Variants in PTMA observed in about 807,000 individuals in gnomAD.
PTMA encodes the protein prothymosin alpha.
A neutral mutation model predicts 16.9 loss-of-function variants in PTMA; 4 were observed. The ratio of observed to expected loss-of-function variants is 0.24; its 90% CI spans 0.12 to 0.54. The LOEUF (loss-of-function observed/expected upper bound fraction) is 0.54. PTMA is among the 20% of genes least tolerant of loss of function. The pLI, the probability that PTMA is intolerant of heterozygous loss-of-function variation, is 0.95. For synonymous variants in PTMA, 58 were observed against 47.9 expected (o/e 1.21, Z -0.87); for missense variants, 120 against 137.7 (o/e 0.87, Z 0.64).
chr2:231,711,345 A>G lies in PTMA; in HGVS notation c.46-3A>G, dbSNP rs767002024. 2 of 1,613,500 alleles carry G rather than the reference A, an allele frequency of 1.2e-6. No homozygotes were observed. Among genetic ancestry groups the G allele is most frequent in the African/African-American group, 1.3e-5 (1 of 74,918 alleles). On this transcript the variant is annotated splice_polypyrimidine_tract_variant and splice_region_variant and intron_variant, in intron 1 of 4. Coordinates refer to ENST00000409115, the MANE Select transcript of PTMA (RefSeq NM_002823.5). ...GTTACTGGTTCCTTCTTCCCTTTTG[A>G]AGGACTTAAAGGAGAAGAAGGAAGT...
At chr2:231,710,411 C>T (rs1211635371) in intron 1 of PTMA, 6 of 1,146,590 alleles carry the variant, frequency 5.2e-6, no homozygotes, top group South Asian at 4.4e-5. Context: ...CGCGCCGCGA[C>T]CTCCCTGCCC....
At chr2:231,711,829 G>A (rs1323134647) in intron 2 of PTMA, 61 bp from the exon 3 acceptor site, 3 of 1,593,232 alleles carry the variant, frequency 1.9e-6, no homozygotes, top group African/African-American at 1.4e-5. Flanking sequence ...GGCATCAGGA[G>A]CAACGCTCTG....
chr2:231,710,477 C>CCGCGGGGCGGAGCCGGGGTA, intron 1 of PTMA: 1 of 1,069,514 alleles, frequency 9.4e-7, no homozygotes, highest in Non-Finnish European at 1.2e-6. Flanking sequence ...GAGCCGGGGT[C>CCGCGGGGCGGAGCCGGGGTA]CGCGGAGCGG....
chr2:231,709,337 G>A (rs1429478250), intron 1 of PTMA, among the ~76,000 whole-genome samples: 1 of 152,108 alleles, frequency 6.6e-6, no homozygotes, highest in Non-Finnish European at 1.5e-5. Flanking sequence ...GGCCGTCCCG[G>A]CGGAGGTGTG....
At chr2:231,712,392 G>A (rs765665599) in intron 3 of PTMA, 51 bp from the exon 4 acceptor site, 3 of 1,564,732 alleles carry the variant, frequency 1.9e-6, no homozygotes, top group East Asian at 4.5e-5. Flanking sequence ...ATTTCCCCAG[G>A]AGCCACAGTA....
At chr2:231,709,798 C>G in intron 1 of PTMA, 1 of 169,858 alleles carries the variant, frequency 5.9e-6, no homozygotes, top group African/African-American at 2.4e-5. Context: ...CTGGCTCTTT[C>G]TTAATATTTC....
At position 231,713,373 on chromosome 2, in the gene PTMA, G is replaced by T. The variant is rs747494804; in HGVS notation, c.*522G>T. On this transcript the variant is annotated 3_prime_UTR_variant, in exon 5 of 5. Transcript: ENST00000409115. ...TATGTACTTAGCTGTACTATAAGTA[G>T]TTGGTTTGTATGAGATGGTTAAAAA... The T allele has an allele frequency of 5.8e-6, 3 of 513,626 alleles. No homozygotes were observed. The highest frequency in any genetic ancestry group is 1.2e-5 in the Non-Finnish European group (3 of 253,788). 31.8% of individuals were successfully genotyped at this position (513,626 alleles called of 1,614,324 possible). A position where few individuals can be genotyped will look rare whatever the true frequency, so the allele number is the denominator to read the frequency against.
chr2:231,709,641 G>C (rs1015296476), intron 1 of PTMA: 1 of 152,360 alleles, frequency 6.6e-6, no homozygotes, highest in African/African-American at 2.4e-5. Flanking sequence ...GGGGGCGCCC[G>C]GGCCCCGTGG....
rs17852004 is a variant in PTMA at position 231,712,450 on chromosome 2, A to G, written c.219A>G (p.Glu73=). Residue 73 remains glutamate, a synonymous_variant, in exon 4 of 5, where the codon GAA becomes GAG. Transcript: ENST00000409115. ...EEEEEEGDGE[E]EDGDEDEEAE... ...GCCTTTGATTCTCTCCAGGTGAGGA[A>G]GAGGATGGAGATGAAGATGAGGAAG... The G allele has an allele frequency of 1.2e-6, 2 of 1,613,960 alleles. No individual in the cohort carries two copies. Among genetic ancestry groups the G allele is most frequent in the Non-Finnish European group, 1.7e-6 (2 of 1,179,906 alleles).
At position 231,711,395 on chromosome 2, in the gene PTMA, A is replaced by G; in HGVS notation, c.93A>G (p.Arg31=). The G allele has an allele frequency of 1.9e-6, 3 of 1,614,180 alleles. No individual in the cohort carries two copies. The change falls in exon 2 of 5, where the codon AGA becomes AGG. Residue 31 remains arginine, a synonymous_variant. Coordinates refer to ENST00000409115, the MANE Select transcript of PTMA (RefSeq NM_002823.5). ...KEVVEEAENG[R]DAPANGNANE... The stretch of plus-strand genomic sequence containing the variant: ...TTGTGGAAGAGGCAGAAAATGGAAG[A>G]GACGCCCCTGCTAACGGGAATGCTG...
At chr2:231,709,070 C>G (rs3087853) in intron 1 of PTMA, among the ~76,000 whole-genome samples, 21,062 of 152,182 alleles carry the variant, frequency 0.14, 1,716 homozygotes, top group Non-Finnish European at 0.18. Flanking sequence ...GGAGAAGAGC[C>G]TGGCTGGGGG....
At chr2:231,710,086 G>A (rs1419999198) in intron 1 of PTMA, 2 of 1,235,750 alleles carry the variant, frequency 1.6e-6, no homozygotes, top group East Asian at 3.2e-5. Context: ...CGAGGGCGAT[G>A]AGTAGTAGCC....
chr2:231,712,692 G>C (rs2048533898), intron 4 of PTMA, 112 bp from the exon 5 acceptor site: 7 of 1,397,096 alleles, frequency 5.0e-6, no homozygotes, highest in African/African-American at 1.4e-5. Flanking sequence ...CAGAGGCCTT[G>C]GGCTGTGGAG....
intron 1 of PTMA, chr2:231,710,523 G>T (rs558952231): frequency 3.6e-6 from 3 of 828,680 alleles, no homozygotes; most frequent in South Asian, 1.5e-5. Flanking sequence ...CCGACAGGTG[G>T]CCCGGAGCCG....
At chr2:231,712,602 C>CT in intron 4 of PTMA, 86 bp downstream of exon 4, 1 of 1,456,016 alleles carries the variant, frequency 6.9e-7, no homozygotes, top group East Asian at 2.3e-5. Flanking sequence ...TGCGGAGGGA[C>CT]TGTTTCTGAC....
At chr2:231,710,273 G>A (rs772863082) in intron 1 of PTMA, 5 of 1,308,280 alleles carry the variant, frequency 3.8e-6, no homozygotes, top group Non-Finnish European at 3.9e-6. Flanking sequence ...GCCACTGCAA[G>A]CTCTGCCTGC....
At chr2:231,711,669 G>T in intron 2 of PTMA, 1 of 876,222 alleles carries the variant, frequency 1.1e-6, no homozygotes, top group Non-Finnish European at 1.7e-6. Context: ...TTTGGGCTTG[G>T]CCCAGGGTGG....
At chr2:231,710,133 G>A (rs1403466336) in intron 1 of PTMA, 2 of 1,250,616 alleles carry the variant, frequency 1.6e-6, no homozygotes, top group African/African-American at 1.5e-5. Flanking sequence ...GACCTACGCA[G>A]CCCGGTGGAC....
chr2:231,711,080 A>G, intron 1 of PTMA: 1 of 326,402 alleles, frequency 3.1e-6, no homozygotes, highest in South Asian at 4.2e-5. Context: ...TTTCCTGGGA[A>G]GCGCCAGGGG....
Sources: gnomAD v4.1 joint callset for allele counts (sites outside exome capture counted in the v4.1 genomes callset) on GRCh38, gnomAD v4.1.1 for gene constraint, MANE v1.5 for transcripts, NCBI Gene and HGNC (gene_info 2026-07-23, HGNC 2026-07-21) for gene names.